KCNK2: variants seen among roughly 807,000 people sequenced by gnomAD.
KCNK2 encodes potassium channel subfamily K member 2.
Under a neutral mutation model 40.5 loss-of-function variants are expected in KCNK2, and 21 were observed. The observed-to-expected ratio is 0.52, with a 90% CI of 0.37 to 0.75. KCNK2 has a LOEUF of 0.75. Ranked by LOEUF, KCNK2 falls within the 30% of genes least tolerant of loss-of-function variation. The pLI is 0.00. For synonymous variants in KCNK2, 191 were observed against 202.2 expected, an observed-to-expected ratio of 0.94 and a Z score of 0.47; for missense variants, 399 against 531.6, an observed-to-expected ratio of 0.75 and a Z score of 2.45.
At chr1:215,072,095 G>T (rs1244188490) in intron 1 of KCNK2, among the ~76,000 whole-genome samples, 1 of 152,112 alleles carries the variant, frequency 6.6e-6, no homozygotes, top group Admixed American at 6.5e-5. Flanking sequence ...CTTAGTGCTG[G>T]CCCTGCATGA....
At chr1:215,191,713 C>A (rs530577532) in intron 5 of KCNK2, among the ~76,000 whole-genome samples, 1 of 152,070 alleles carries the variant, frequency 6.6e-6, no homozygotes, top group Non-Finnish European at 1.5e-5. Context: ...TTTTTATTAC[C>A]ATCTGTTTAC....
intron 2 of KCNK2, among the ~76,000 whole-genome samples, chr1:215,110,930 A>G (rs1246110128): frequency 3.9e-5 from 6 of 152,148 alleles, no homozygotes; most frequent in Admixed American, 2.6e-4. Context: ...ATAACATACA[A>G]TGTCATGTGT....
rs372536462 is a variant in KCNK2, at chr1:215,184,692, C to T, written c.824-10261C>T. On this transcript the variant is annotated intron_variant, in intron 5 of 6. Transcript: ENST00000444842. ...AACTTACTCACTATCATGAGAATAG[C>T]ATGGGGGAAACCACTCCTATGATTC... Among the ~76,000 whole-genome samples the T allele has an allele frequency of 5.5e-4, 83 of 152,214 alleles. No homozygotes were observed. In the South Asian group the frequency reaches 0.017, roughly 32 times the overall value.
intron 2 of KCNK2, among the ~76,000 whole-genome samples, chr1:215,113,476 C>A (rs1660790864): frequency 6.6e-6 from 1 of 152,208 alleles, no homozygotes. Context: ...TCTGATTCCT[C>A]TTAAGTAACA....
chr1:215,017,472 A>C (rs1656632885), intron 1 of KCNK2, among the ~76,000 whole-genome samples: 2 of 152,156 alleles, frequency 1.3e-5, no homozygotes, highest in Admixed American at 1.3e-4. Flanking sequence ...ATCGTGTTGT[A>C]TAAAAGAAGT....
chr1:215,234,846 C>T lies in KCNK2; in HGVS notation c.982C>T (p.His328Tyr). ...GTTCCAGGTGGGAGAGTTCAGAGCA[C>T]ACGCTGCTGAGTGGACAGCCAACGT... ...TKEEVGEFRA[H>Y]AAEWTANVTA... Residue 328 changes from histidine (H) to tyrosine (Y), a missense_variant, in exon 7 of 7, where the codon CAC (histidine) becomes TAC (tyrosine). This residue lies in a region of KCNK2 where 103 missense variants were observed against 124.3 expected (regional missense o/e 0.83). Transcript: ENST00000444842. The T allele has an allele frequency of 6.2e-7, 1 of 1,613,142 alleles. No homozygotes were observed. Among genetic ancestry groups the T allele is most frequent in the Non-Finnish European group, 8.5e-7 (1 of 1,179,290 alleles).
At chr1:215,163,870 C>T (rs1318199322) in intron 3 of KCNK2, among the ~76,000 whole-genome samples, 1 of 151,994 alleles carries the variant, frequency 6.6e-6, no homozygotes, top group Non-Finnish European at 1.5e-5. Flanking sequence ...GGATATTGGC[C>T]TGAATTTTTT....
intron 3 of KCNK2, among the ~76,000 whole-genome samples, chr1:215,140,892 TAATTC>T (rs1352257380): frequency 1.2e-4 from 18 of 152,210 alleles, no homozygotes; most frequent in Non-Finnish European, 1.9e-4. Flanking sequence ...TTGAGCTTTT[TAATTC>T]TTTTGTAATA....
chr1:215,217,007 C>T (rs1304703076), intron 6 of KCNK2, among the ~76,000 whole-genome samples: 1 of 152,144 alleles, frequency 6.6e-6, no homozygotes, highest in Non-Finnish European at 1.5e-5. Flanking sequence ...GATATCTTTG[C>T]AAACAGAAAG....
At chr1:215,014,076 A>G (rs1033408130) in intron 1 of KCNK2, among the ~76,000 whole-genome samples, 1 of 152,206 alleles carries the variant, frequency 6.6e-6, no homozygotes, top group Middle Eastern at 3.4e-3. Flanking sequence ...CAGGTTAAGG[A>G]AATTCTCTTT....
At chr1:215,072,431 A>G (rs1658790094) in intron 1 of KCNK2, among the ~76,000 whole-genome samples, 2 of 152,232 alleles carry the variant, frequency 1.3e-5, no homozygotes, top group Non-Finnish European at 2.9e-5. Flanking sequence ...CTGCAAACAC[A>G]TTTTATTTGC....
chr1:215,083,516 C>G (rs1482891426), intron 1 of KCNK2, 85 bp downstream of exon 1: 2 of 986,776 alleles, frequency 2.0e-6, no homozygotes, highest in Admixed American at 3.4e-5. Flanking sequence ...CAAATGCCCC[C>G]TCTCAGCAAG....
At chr1:215,199,938 C>T (rs1479933929) in intron 6 of KCNK2, among the ~76,000 whole-genome samples, 2 of 152,090 alleles carry the variant, frequency 1.3e-5, no homozygotes, top group Non-Finnish European at 2.9e-5. Flanking sequence ...TTTCTTCTAT[C>T]GATGCCCAAG....
At chr1:215,187,942 T>C (rs970077895) in intron 5 of KCNK2, among the ~76,000 whole-genome samples, 17 of 150,682 alleles carry the variant, frequency 1.1e-4, no homozygotes, top group Non-Finnish European at 1.9e-4. Flanking sequence ...TGTGAAAGAG[T>C]GAAAAAACCA....
intron 6 of KCNK2, among the ~76,000 whole-genome samples, chr1:215,200,839 A>C (rs1228375624): frequency 2.0e-5 from 3 of 152,236 alleles, no homozygotes; most frequent in East Asian, 3.8e-4. Context: ...GGGATTACAG[A>C]ATGCTGGAAA....
intron 2 of KCNK2, among the ~76,000 whole-genome samples, chr1:215,097,913 T>C (rs1660049116): frequency 1.3e-5 from 2 of 152,100 alleles, no homozygotes; most frequent in African/African-American, 4.8e-5. Context: ...TAGGCATGGT[T>C]GATGGTCTCC....
chr1:215,070,188 A>G (rs1658698169), intron 1 of KCNK2, among the ~76,000 whole-genome samples: 1 of 151,924 alleles, frequency 6.6e-6, no homozygotes, highest in Non-Finnish European at 1.5e-5. Context: ...AGGTGGGCGG[A>G]TCACAAGGTC....
intron 1 of KCNK2, among the ~76,000 whole-genome samples, chr1:215,058,794 GTGT>G (rs1194722150): frequency 6.6e-6 from 1 of 152,112 alleles, no homozygotes; most frequent in Non-Finnish European, 1.5e-5. Flanking sequence ...AACTTGCCAA[GTGT>G]TGTTCTTTTC....
At chr1:215,040,743 C>T (rs1418869961) in intron 1 of KCNK2, among the ~76,000 whole-genome samples, 1 of 152,146 alleles carries the variant, frequency 6.6e-6, no homozygotes, top group Non-Finnish European at 1.5e-5. Flanking sequence ...ACATCTGTAA[C>T]TGAGACTCAG....
Sources: gnomAD v4.1 joint callset for allele counts (sites outside exome capture counted in the v4.1 genomes callset) on GRCh38, gnomAD v4.1.1 for gene constraint, gnomAD v4.1.1 regional missense constraint, MANE v1.5 for transcripts, NCBI Gene and HGNC (gene_info 2026-07-23, HGNC 2026-07-21) for gene names.